The following CXXC5 variants were observed in gnomAD, a reference collection of about 807,000 sequenced individuals.
The protein encoded by CXXC5 is CXXC-type zinc finger protein 5.
CXXC5 carries 2 observed loss-of-function variants against 17.6 expected under a neutral mutation model. That is an observed-to-expected ratio of 0.11 (90% CI 0.05 to 0.36). The LOEUF is 0.36. Ranked by LOEUF, CXXC5 falls within the 10% of genes least tolerant of loss-of-function variation. CXXC5 has a pLI of 1.00. For missense variants in CXXC5, 343 were observed against 458.3 expected (o/e 0.75, Z 2.30); for synonymous variants, 171 against 193.0 (o/e 0.89, Z 0.94).
At chr5:139,669,944 G>A (rs959882493) in intron 1 of CXXC5, among the ~76,000 whole-genome samples, 7 of 152,162 alleles carry the variant, frequency 4.6e-5, no homozygotes, top group Non-Finnish European at 1.0e-4. Flanking sequence ...TCTGGCTCCC[G>A]CCTCATGGGG....
Position 139,670,268 on chromosome 5 carries a change from G to A in CXXC5, c.-160-10096G>A, listed in dbSNP as rs907997607. ...GCTTTTGTTTTCCAGTTTTTTCCAC[G>A]CTCAGGCCAGGCAGGCGGGTAGACA... On this transcript the variant is annotated intron_variant, in intron 1 of 2. Coordinates refer to ENST00000302517, the MANE Select transcript of CXXC5 (RefSeq NM_016463.9). The surrounding 1 kb of genome is among the most constrained non-coding windows in gnomAD (Gnocchi z 4.2). Among the ~76,000 whole-genome samples, 4 of 152,200 alleles carry A rather than the reference G, an allele frequency of 2.6e-5. No individual in the cohort carries two copies. Among genetic ancestry groups the A allele is most frequent in the African/African-American group, 4.8e-5 (2 of 41,446 alleles).
At chr5:139,673,809 C>G (rs1168465314) in intron 1 of CXXC5, among the ~76,000 whole-genome samples, 3 of 150,156 alleles carry the variant, frequency 2.0e-5, no homozygotes, top group Non-Finnish European at 3.0e-5. Context: ...GCCACGCACT[C>G]CAGCCTGGGT....
intron 1 of CXXC5, among the ~76,000 whole-genome samples, chr5:139,674,127 G>A (rs990466182): frequency 6.6e-6 from 1 of 152,170 alleles, no homozygotes; most frequent in African/African-American, 2.4e-5. Context: ...TCCATAGCTG[G>A]ATGTGTGCCC....
At position 139,683,563 on chromosome 5, in the gene CXXC5, C is replaced by T. The variant is rs536521180; in HGVS notation, c.*656C>T. 9.2e-5 allele frequency: 14 copies of T among 152,506 alleles called. No individual in the cohort carries two copies. The highest frequency in any genetic ancestry group is 3.4e-4 in the African/African-American group (14 of 41,576). The allele number at this position is 152,506 out of a possible 1,614,324, so 9.4% of individuals were successfully genotyped here. ...CAGTCCCGAGACTGGGATCCCCCAC[C>T]CCAACAGTGATTTTGGAAAAAAAAA... is the stretch of plus-strand genomic sequence containing the variant. On this transcript the variant is annotated 3_prime_UTR_variant, in exon 3 of 3. Coordinates refer to ENST00000302517, the MANE Select transcript of CXXC5 (RefSeq NM_016463.9).
intron 1 of CXXC5, among the ~76,000 whole-genome samples, chr5:139,676,843 C>T (rs947762942): frequency 6.6e-6 from 1 of 151,748 alleles, no homozygotes; most frequent in Non-Finnish European, 1.5e-5. Context: ...TAACCTTGAC[C>T]CTCTGCCCCT....
At chr5:139,671,309 T>G (rs1380828435) in intron 1 of CXXC5, among the ~76,000 whole-genome samples, 2 of 152,078 alleles carry the variant, frequency 1.3e-5, no homozygotes. Context: ...AGCCCCTGAT[T>G]TGGGTGTGTA....
In CXXC5 at chr5:139,681,244, G is replaced by C; in HGVS notation, c.721G>C (p.Ala241Pro). The C allele has an allele frequency of 6.2e-7, 1 of 1,611,986 alleles. No individual in the cohort carries two copies. Among genetic ancestry groups the C allele is most frequent in the Non-Finnish European group, 8.5e-7 (1 of 1,179,398 alleles). ...GAGCGCGCTGCACATGGCGGGCCTG[G>C]CTGAGTACCCCATGCAGGGAGAGCT... Reference protein sequence around the residue: ...AESALHMAGLAEYPMQGELAS... With the variant: ...AESALHMAGLPEYPMQGELAS... The change falls in exon 2 of 3, where the codon GCT becomes CCT. Residue 241 changes from alanine (A) to proline (P), a missense_variant. By Grantham distance (27) the Ala-to-Pro change is conservative. Coordinates refer to ENST00000302517, the MANE Select transcript of CXXC5 (RefSeq NM_016463.9).
chr5:139,672,780 C>T (rs575834316), intron 1 of CXXC5, among the ~76,000 whole-genome samples: 8 of 152,226 alleles, frequency 5.3e-5, no homozygotes, highest in South Asian at 2.1e-4. Context: ...GGCTTAGTGG[C>T]GGAAAGAGCT....
chr5:139,676,001 C>G (rs1756761820), intron 1 of CXXC5, among the ~76,000 whole-genome samples: 1 of 136,660 alleles, frequency 7.3e-6, no homozygotes, highest in African/African-American at 2.8e-5. Context: ...GAAGGTGGCC[C>G]CAGGTATGAG....
intron 1 of CXXC5, among the ~76,000 whole-genome samples, chr5:139,677,685 T>C (rs600848): frequency 0.33 from 50,526 of 152,062 alleles, 8,755 homozygotes; most frequent in Middle Eastern, 0.45. Context: ...CCAAGCTCAG[T>C]ATGTCCCAGG....
chr5:139,680,373 A>T lies in CXXC5; in HGVS notation c.-151A>T. ...TATCCTCTTGTGACAGAGTGAAGAC[A>T]TTTCCACCTGGACACCTGACCATGT... On this transcript the variant is annotated 5_prime_UTR_variant, in exon 2 of 3. Coordinates refer to ENST00000302517, the MANE Select transcript of CXXC5 (RefSeq NM_016463.9). 1 of 1,158,752 alleles carries T rather than the reference A, an allele frequency of 8.6e-7. No individual in the cohort carries two copies. The highest frequency in any genetic ancestry group is 1.2e-6 in the Non-Finnish European group (1 of 847,290). The allele number at this position is 1,158,752 out of a possible 1,614,324, so 71.8% of individuals were successfully genotyped here.
At chr5:139,677,784 T>G (rs1207765141) in intron 1 of CXXC5, among the ~76,000 whole-genome samples, 2 of 151,976 alleles carry the variant, frequency 1.3e-5, no homozygotes, top group Non-Finnish European at 2.9e-5. Context: ...GAACATGAGG[T>G]TTGGTCCCCA....
chr5:139,672,552 C>G (rs1756543162), intron 1 of CXXC5, among the ~76,000 whole-genome samples: 1 of 152,234 alleles, frequency 6.6e-6, no homozygotes, highest in Non-Finnish European at 1.5e-5. Flanking sequence ...TCTCTCAAAT[C>G]AGTTTCCTAT....
chr5:139,668,133 A>G lies in CXXC5; in HGVS notation c.-160-12231A>G, dbSNP rs1208853172. On this transcript the variant is annotated intron_variant, in intron 1 of 2. Coordinates refer to ENST00000302517, the MANE Select transcript of CXXC5 (RefSeq NM_016463.9). This position sits in a 1 kb window ranked among gnomAD's most constrained non-coding sequence, Gnocchi z 4.1. Reference sequence around the variant, plus strand: ...CTGGCCCGAGGCAAAAACCTCCCCAAATTTCCCCTGCCACTCCCTCCGCCT... The same window carrying G: ...CTGGCCCGAGGCAAAAACCTCCCCAGATTTCCCCTGCCACTCCCTCCGCCT... 6.6e-6 allele frequency among the ~76,000 whole-genome samples: 1 copy of G among 151,984 alleles called. No homozygotes were observed. Among genetic ancestry groups the G allele is most frequent in the Non-Finnish European group, 1.5e-5 (1 of 67,972 alleles).
At chr5:139,678,497 TG>T (rs1756987930) in intron 1 of CXXC5, among the ~76,000 whole-genome samples, 2 of 152,114 alleles carry the variant, frequency 1.3e-5, no homozygotes, top group African/African-American at 4.8e-5. Context: ...GAGCCCTAGG[TG>T]GTCTGGTGCC....
At chr5:139,651,712 T>C (rs2126735728) in intron 1 of CXXC5, among the ~76,000 whole-genome samples, 1 of 151,972 alleles carries the variant, frequency 6.6e-6, no homozygotes, top group East Asian at 1.9e-4. Flanking sequence ...TGGGCTGGGC[T>C]GACTTTCCAG....
chr5:139,682,818 C>A, intron 2 of CXXC5, 45 bp from the exon 3 acceptor site: 1 of 1,559,384 alleles, frequency 6.4e-7, no homozygotes, highest in South Asian at 1.2e-5. Context: ...CCTACCCGGA[C>A]CCTGACTGAA....
At chr5:139,650,707 C>T (rs990792180) in intron 1 of CXXC5, among the ~76,000 whole-genome samples, 2 of 152,286 alleles carry the variant, frequency 1.3e-5, no homozygotes, top group South Asian at 4.1e-4. Context: ...TCACCTGATC[C>T]CCCTCCTGAA....
chr5:139,673,854 A>AG (rs35463867), intron 1 of CXXC5, among the ~76,000 whole-genome samples: 48,027 of 146,678 alleles, frequency 0.33, 8,252 homozygotes, highest in Middle Eastern at 0.4. Flanking sequence ...AAAAAAAAAA[A>AG]AGAGAGAGAG....
Sources: gnomAD v4.1 joint callset for allele counts (sites outside exome capture counted in the v4.1 genomes callset) on GRCh38, gnomAD v4.1.1 for gene constraint, Gnocchi (gnomAD v3.1) non-coding constraint, MANE v1.5 for transcripts, NCBI Gene and HGNC (gene_info 2026-07-23, HGNC 2026-07-21) for gene names.